CSMD1: variants seen among roughly 807,000 people sequenced by gnomAD.
CSMD1 encodes the protein CUB and sushi domain-containing protein 1.
CSMD1 carries 213 observed loss-of-function variants against 417.5 expected under a neutral mutation model. The observed-to-expected ratio is 0.51, with a 90% confidence interval of 0.46 to 0.57. CSMD1 has a LOEUF of 0.57. Ranked by LOEUF, CSMD1 falls within the 20% of genes least tolerant of loss-of-function variation. CSMD1 has a pLI of 0.00. For synonymous variants in CSMD1, 2,862 were observed against 1,736.8 expected, an observed-to-expected ratio of 1.65 and a Z score of -16.11; for missense variants, 6,923 against 4,529.7, an observed-to-expected ratio of 1.53 and a Z score of -15.17.
chr8:4,453,924 G>A (rs545669825), intron 2 of CSMD1, among the ~76,000 whole-genome samples: 1 of 139,236 alleles, frequency 7.2e-6, no homozygotes, highest in East Asian at 2.3e-4. Flanking sequence ...CAGGTTCACA[G>A]CATTCTCCTG....
chr8:4,443,567 A>C (rs553724327), intron 2 of CSMD1, among the ~76,000 whole-genome samples: 1 of 152,178 alleles, frequency 6.6e-6, no homozygotes, highest in Admixed American at 6.5e-5. Flanking sequence ...GTGGCTCAAG[A>C]CACATGAATA....
chr8:4,074,391 T>C (rs929366195), intron 3 of CSMD1, among the ~76,000 whole-genome samples: 11 of 152,136 alleles, frequency 7.2e-5, no homozygotes, highest in African/African-American at 2.7e-4. Context: ...TTTCAATGTC[T>C]ATCTCATCAA....
intron 5 of CSMD1, among the ~76,000 whole-genome samples, chr8:3,948,743 A>T (rs1019950171): frequency 6.6e-6 from 1 of 152,194 alleles, no homozygotes; most frequent in African/African-American, 2.4e-5. Flanking sequence ...TGACTTAATC[A>T]GCTAGAAAAG....
chr8:3,864,430 A>T (rs1804942279), intron 5 of CSMD1, among the ~76,000 whole-genome samples: 1 of 152,218 alleles, frequency 6.6e-6, no homozygotes, highest in Non-Finnish European at 1.5e-5. Context: ...AGAAGAAAGG[A>T]ATACAGTATG....
rs537920140 is a variant in CSMD1, at chr8:3,114,537, T to G, written c.6430+3862A>C. ...TCCCCTAGTGTGTAGAGAACCAGAGTTATTCCTGCCATCATTTTTCTTCCT... is the reference window on the plus strand; with the variant it reads ...TCCCCTAGTGTGTAGAGAACCAGAGGTATTCCTGCCATCATTTTTCTTCCT... On this transcript the variant is annotated intron_variant, in intron 42 of 69. Transcript: ENST00000635120. 2.2e-4 allele frequency among the ~76,000 whole-genome samples: 33 copies of G among 151,688 alleles called. 1 individual carries two copies. In the South Asian group the frequency reaches 6.7e-3, roughly 31 times the overall value.
chr8:4,165,680 G>A (rs1441093955), intron 3 of CSMD1, among the ~76,000 whole-genome samples: 1 of 152,164 alleles, frequency 6.6e-6, no homozygotes, highest in East Asian at 1.9e-4. Context: ...CGGAATTACA[G>A]GCGTGACCCA....
At chr8:3,741,826 A>T (rs1405287554) in intron 6 of CSMD1, among the ~76,000 whole-genome samples, 1 of 152,154 alleles carries the variant, frequency 6.6e-6, no homozygotes, top group Non-Finnish European at 1.5e-5. Flanking sequence ...TTCTTTCTCA[A>T]ATGTGCTCAA....
chr8:4,721,311 G>A (rs141320347), intron 1 of CSMD1, among the ~76,000 whole-genome samples: 4 of 152,174 alleles, frequency 2.6e-5, no homozygotes, highest in Non-Finnish European at 5.9e-5. Context: ...TGATTTTGTA[G>A]TTGGTGGGTT....
intron 2 of CSMD1, among the ~76,000 whole-genome samples, chr8:4,626,961 C>T (rs985700793): frequency 4.6e-5 from 7 of 152,172 alleles, no homozygotes; most frequent in South Asian, 2.1e-4. Context: ...CAAAGGGATA[C>T]GTAAGTAGGT....
intron 3 of CSMD1, among the ~76,000 whole-genome samples, chr8:4,355,148 G>A (rs1009934328): frequency 1.8e-4 from 27 of 151,976 alleles, no homozygotes; most frequent in African/African-American, 6.3e-4. Context: ...TGCAGTCCCA[G>A]CTACTCAGGA....
chr8:4,249,662 G>T (rs967196225), intron 3 of CSMD1, among the ~76,000 whole-genome samples: 1 of 152,132 alleles, frequency 6.6e-6, no homozygotes, highest in African/African-American at 2.4e-5. Context: ...CTTGAGAGCT[G>T]CCAGCTCTCT....
At chr8:4,144,296 G>C (rs915344587) in intron 3 of CSMD1, among the ~76,000 whole-genome samples, 40 of 150,954 alleles carry the variant, frequency 2.6e-4, no homozygotes, top group Non-Finnish European at 7.4e-5. Context: ...ACTTAAACAG[G>C]ATACCCCACT....
intron 5 of CSMD1, among the ~76,000 whole-genome samples, chr8:3,771,085 G>A (rs73658250): frequency 0.014 from 2,079 of 152,078 alleles, 39 homozygotes; most frequent in African/African-American, 0.048. Context: ...AGTCTTGGGG[G>A]TATTGTATTC....
At chr8:3,944,855 C>T (rs1334304055) in intron 5 of CSMD1, among the ~76,000 whole-genome samples, 1 of 152,174 alleles carries the variant, frequency 6.6e-6, no homozygotes, top group Non-Finnish European at 1.5e-5. Flanking sequence ...GAGTTGGCCA[C>T]AGCTCTGACA....
intron 22 of CSMD1, among the ~76,000 whole-genome samples, 179 bp downstream of exon 22, chr8:3,347,813 C>T (rs565642755): frequency 1.3e-5 from 2 of 152,306 alleles, no homozygotes; most frequent in South Asian, 2.1e-4. Flanking sequence ...TCCACATACA[C>T]TGCTCTAAGC....
At chr8:4,340,163 T>C (rs959330596) in intron 3 of CSMD1, among the ~76,000 whole-genome samples, 1 of 152,126 alleles carries the variant, frequency 6.6e-6, no homozygotes, top group Non-Finnish European at 1.5e-5. Flanking sequence ...TCTATTTTCT[T>C]GATACCTTTT....
intron 26 of CSMD1, among the ~76,000 whole-genome samples, chr8:3,266,355 C>T (rs1412273053): frequency 6.6e-6 from 1 of 151,850 alleles, no homozygotes; most frequent in Non-Finnish European, 1.5e-5. Flanking sequence ...CCTGTAATCC[C>T]AGCACTGTGG....
At chr8:4,843,251 G>A (rs969352987) in intron 1 of CSMD1, among the ~76,000 whole-genome samples, 2 of 152,110 alleles carry the variant, frequency 1.3e-5, no homozygotes, top group African/African-American at 4.8e-5. Context: ...GGAATACGAT[G>A]TCTCCCTAAC....
chr8:3,432,527 T>A (rs1814279771), intron 12 of CSMD1, among the ~76,000 whole-genome samples: 1 of 149,184 alleles, frequency 6.7e-6, no homozygotes, highest in Non-Finnish European at 1.5e-5. Flanking sequence ...TTTTTTTTTT[T>A]TGAGATGGAG....
Sources: allele counts gnomAD v4.1 joint callset (sites outside exome capture counted in the v4.1 genomes callset), GRCh38; gene constraint gnomAD v4.1.1; transcripts MANE v1.5; gene names NCBI Gene and HGNC (gene_info 2026-07-23, HGNC 2026-07-21).